The following CNTNAP2 variants were observed in gnomAD, a reference collection of about 807,000 sequenced individuals.
The protein encoded by CNTNAP2 is contactin associated protein 2.
In CNTNAP2, 98 loss-of-function variants were observed where a neutral mutation model predicts 155.2. The observed-to-expected ratio is 0.63, with a 90% CI of 0.54 to 0.75. The LOEUF (loss-of-function observed/expected upper bound fraction) is 0.75. Among genes scored for constraint, CNTNAP2 ranks in the 30% least tolerant of loss-of-function variants. CNTNAP2 has a pLI of 0.00. For missense variants in CNTNAP2, 1,727 were observed against 1,688.1 expected (o/e 1.02, Z -0.40); for synonymous variants, 651 against 631.2 (o/e 1.03, Z -0.47).
chr7:146,420,509 C>A (rs1047701531), intron 1 of CNTNAP2, among the ~76,000 whole-genome samples: 2 of 151,956 alleles, frequency 1.3e-5, no homozygotes, highest in Non-Finnish European at 2.9e-5. Flanking sequence ...GAAAATATTT[C>A]TAATAAGTTT....
intron 1 of CNTNAP2, among the ~76,000 whole-genome samples, chr7:146,483,328 T>TATACAC (rs1459820598): frequency 7.4e-5 from 6 of 81,558 alleles, no homozygotes; most frequent in Admixed American, 3.5e-4. Context: ...TATATATATA[T>TATACAC]ACATATATAT....
chr7:146,461,324 G>A (rs1796632925), intron 1 of CNTNAP2, among the ~76,000 whole-genome samples: 1 of 151,640 alleles, frequency 6.6e-6, no homozygotes, highest in South Asian at 2.1e-4. Context: ...ACAATGGCGT[G>A]AACCCGGGAG....
intron 13 of CNTNAP2, among the ~76,000 whole-genome samples, chr7:147,740,773 G>A (rs980221427): frequency 2.0e-5 from 3 of 152,196 alleles, no homozygotes; most frequent in African/African-American, 7.2e-5. Context: ...ATCTAGAGAT[G>A]AGGATTTGAT....
At chr7:148,311,988 C>G (rs11764196) in intron 21 of CNTNAP2, among the ~76,000 whole-genome samples, 63,786 of 151,960 alleles carry the variant, frequency 0.42, 13,789 homozygotes, top group South Asian at 0.58. Context: ...AGTGAGTACA[C>G]CTGAAGGAGC....
At chr7:146,996,236 T>A (rs1798306328) in intron 3 of CNTNAP2, among the ~76,000 whole-genome samples, 1 of 152,110 alleles carries the variant, frequency 6.6e-6, no homozygotes, top group Non-Finnish European at 1.5e-5. Context: ...ATTTATGATT[T>A]TTTTTTATTT....
chr7:147,586,548 AGGGAGGG>A (rs1563009761), intron 12 of CNTNAP2, among the ~76,000 whole-genome samples: 34 of 26,758 alleles, frequency 1.3e-3, no homozygotes, highest in Middle Eastern at 0.022. Context: ...GAAGGAAGGG[AGGGAGGG>A]AGGGAGGGAG....
At chr7:146,342,206 T>C (rs1794741437) in intron 1 of CNTNAP2, among the ~76,000 whole-genome samples, 2 of 152,150 alleles carry the variant, frequency 1.3e-5, no homozygotes, top group East Asian at 1.9e-4. Context: ...GAGATGATAG[T>C]GGAGTACTCT....
chr7:146,412,424 G>T (rs1344343678), intron 1 of CNTNAP2, among the ~76,000 whole-genome samples: 1 of 152,198 alleles, frequency 6.6e-6, no homozygotes, highest in Admixed American at 6.5e-5. Context: ...CTCAGGGAAA[G>T]AAATTCCTTG....
At chr7:147,629,153 G>C (rs1584866651) in intron 12 of CNTNAP2, among the ~76,000 whole-genome samples, 1 of 152,040 alleles carries the variant, frequency 6.6e-6, no homozygotes, top group African/African-American at 2.4e-5. Context: ...TGTAATCCCA[G>C]CACTTTGGGA....
intron 21 of CNTNAP2, among the ~76,000 whole-genome samples, chr7:148,301,306 A>AAAAATATATATATAT: frequency 4.8e-5 from 5 of 103,870 alleles, no homozygotes; most frequent in African/African-American, 1.1e-4. Flanking sequence ...AAAAAAAAAA[A>AAAAATATATATATAT]ATATATATAT....
chr7:147,317,871 C>T (rs539246837), intron 9 of CNTNAP2, among the ~76,000 whole-genome samples: 2 of 148,044 alleles, frequency 1.4e-5, no homozygotes, highest in African/African-American at 5.0e-5. Flanking sequence ...CTTCTCTTTT[C>T]CTGGTTTTCC....
At chr7:147,370,042 C>T (rs1796315290) in intron 9 of CNTNAP2, among the ~76,000 whole-genome samples, 1 of 152,180 alleles carries the variant, frequency 6.6e-6, no homozygotes, top group African/African-American at 2.4e-5. Context: ...TCCCTTGCCT[C>T]TCCCCAAACA....
intron 1 of CNTNAP2, among the ~76,000 whole-genome samples, chr7:146,270,958 A>T (rs1282444969): frequency 2.6e-5 from 4 of 152,170 alleles, no homozygotes; most frequent in Non-Finnish European, 5.9e-5. Context: ...TATAGAAATT[A>T]AATTAAGTGA....
Position 148,294,338 on chromosome 7 carries a change from C to T in CNTNAP2, c.3475+27212C>T, listed in dbSNP as rs143156742. 5.2e-4 allele frequency among the ~76,000 whole-genome samples: 79 copies of T among 152,286 alleles called. No homozygotes were observed. In the East Asian group the frequency reaches 0.015, roughly 29 times the overall value. ...ATCTATGTAATTAAACATTACTAAG[C>T]TTACATATAATTAACCTCGAAATAA... On this transcript the variant is annotated intron_variant, in intron 21 of 23. Transcript: ENST00000361727.
intron 13 of CNTNAP2, among the ~76,000 whole-genome samples, chr7:147,836,324 C>T (rs1391267276): frequency 1.3e-5 from 2 of 152,168 alleles, no homozygotes; most frequent in African/African-American, 4.8e-5. Flanking sequence ...CCTCCCCAGC[C>T]TCGTGTCCTC....
chr7:147,342,659 T>C (rs1381443253), intron 9 of CNTNAP2, among the ~76,000 whole-genome samples: 1 of 152,150 alleles, frequency 6.6e-6, no homozygotes, highest in African/African-American at 2.4e-5. Context: ...AAAATTAGGT[T>C]TTAGGATTTA....
chr7:147,011,241 C>A (rs1266359215), intron 3 of CNTNAP2, among the ~76,000 whole-genome samples: 1 of 151,600 alleles, frequency 6.6e-6, no homozygotes, highest in African/African-American at 2.4e-5. Flanking sequence ...TCATGAAACC[C>A]CGTCTCTACT....
At position 147,060,034 on chromosome 7, in the gene CNTNAP2, T is replaced by C. The variant is rs574240768; in HGVS notation, c.550+15980T>C. Among the ~76,000 whole-genome samples, 9 of 152,320 alleles carry C rather than the reference T, an allele frequency of 5.9e-5. No individual in the cohort carries two copies. The South Asian group carries it at 1.7e-3, about 28-fold the overall frequency. Reference sequence around the variant, plus strand: ...ACGATACTGCTACAACTATCTTCATTAGGAACTATCTTCATTTTAACAATA... The same window carrying C: ...ACGATACTGCTACAACTATCTTCATCAGGAACTATCTTCATTTTAACAATA... On this transcript the variant is annotated intron_variant, in intron 4 of 23. Coordinates refer to ENST00000361727, the MANE Select transcript of CNTNAP2 (RefSeq NM_014141.6).
In CNTNAP2 at chr7:148,189,467, A is replaced by C. The variant is rs533362328; in HGVS notation, c.3010+16989A>C. Among the ~76,000 whole-genome samples the C allele has an allele frequency of 7.2e-5, 11 of 152,292 alleles. No homozygotes were observed. In the South Asian group the frequency reaches 2.1e-3, roughly 29 times the overall value. Reference sequence around the variant, plus strand: ...CCTTTTATAAGGAACCGACTCCTGCAATTACTGCCTTAACTCATTCATGAA... The same window carrying C: ...CCTTTTATAAGGAACCGACTCCTGCCATTACTGCCTTAACTCATTCATGAA... On this transcript the variant is annotated intron_variant, in intron 18 of 23. Coordinates refer to ENST00000361727, the MANE Select transcript of CNTNAP2 (RefSeq NM_014141.6).
Sources: gnomAD v4.1 joint callset for allele counts (sites outside exome capture counted in the v4.1 genomes callset) on GRCh38, gnomAD v4.1.1 for gene constraint, MANE v1.5 for transcripts, NCBI Gene and HGNC (gene_info 2026-07-23, HGNC 2026-07-21) for gene names.